Variants in SMIM36 observed in about 807,000 individuals in gnomAD.
SMIM36 encodes the protein small integral membrane protein 36.
chr17:55,520,529 G>A, the SMIM36 span, among the ~76,000 whole-genome samples: 2 of 152,148 alleles, frequency 1.3e-5, no homozygotes, highest in African/African-American at 4.8e-5. Flanking sequence ...CAGTGATAAA[G>A]CAACAGTTAG....
chr17:55,486,333 C>T (rs544702654), intron 1 of SMIM36, among the ~76,000 whole-genome samples: 8 of 152,174 alleles, frequency 5.3e-5, no homozygotes, highest in Non-Finnish European at 5.9e-5. Context: ...TATGGCTCCC[C>T]GCCCAGTAAG....
At chr17:55,507,728 TAAA>T (rs78805605) in intron 1 of SMIM36, among the ~76,000 whole-genome samples, 1 of 109,508 alleles carries the variant, frequency 9.1e-6, no homozygotes, top group East Asian at 2.5e-4. Context: ...TAAAGTATAA[TAAA>T]AAAAAAAAAA....
chr17:55,512,841 G>A (rs1403310889), upstream of SMIM36, among the ~76,000 whole-genome samples: 2 of 152,176 alleles, frequency 1.3e-5, no homozygotes, highest in Non-Finnish European at 2.9e-5. Flanking sequence ...CTAGTTAAAA[G>A]CTGAAGTTCC....
At chr17:55,452,126 G>GA (rs35861811) in intron 4 of SMIM36, among the ~76,000 whole-genome samples, 95,878 of 135,782 alleles carry the variant, frequency 0.71, 34,699 homozygotes, top group Non-Finnish European at 0.75. Flanking sequence ...AAAAAAAAAG[G>GA]AAACACTTTT....
At chr17:55,513,708 G>C (rs1400096207), upstream of SMIM36, among the ~76,000 whole-genome samples, 1 of 152,186 alleles carries the variant, frequency 6.6e-6, no homozygotes, top group Non-Finnish European at 1.5e-5. Context: ...TTAAATAGAT[G>C]ACACAAGGAT....
At chr17:55,515,504 G>T (rs556974360), upstream of SMIM36, among the ~76,000 whole-genome samples, 509 of 152,294 alleles carry the variant, frequency 3.3e-3, 2 homozygotes, top group Non-Finnish European at 4.5e-3. Flanking sequence ...GATATAATTA[G>T]TTAAGGGTGA....
chr17:55,503,901 CA>C (rs1910037946), intron 1 of SMIM36, among the ~76,000 whole-genome samples: 1 of 130,176 alleles, frequency 7.7e-6, no homozygotes, highest in Admixed American at 7.6e-5. Context: ...AAATGGAAAA[CA>C]AAAAAAGGCA....
intron 3 of SMIM36, among the ~76,000 whole-genome samples, chr17:55,471,987 G>A (rs1909347433): frequency 6.6e-6 from 1 of 152,060 alleles, no homozygotes; most frequent in South Asian, 2.1e-4. Context: ...CATATTTATT[G>A]TCTGCCCCTC....
At chr17:55,489,901 T>A (rs1325696017) in intron 1 of SMIM36, among the ~76,000 whole-genome samples, 1 of 151,894 alleles carries the variant, frequency 6.6e-6, no homozygotes, top group Admixed American at 6.6e-5. Context: ...CCGGCTGGAG[T>A]GCAGTGGCAC....
intron 4 of SMIM36, among the ~76,000 whole-genome samples, chr17:55,460,738 G>A (rs148897444): frequency 0.021 from 3,117 of 151,200 alleles, 41 homozygotes; most frequent in Non-Finnish European, 0.03. Flanking sequence ...GGTGCCTGTA[G>A]TCCCAGCTAC....
intron 1 of SMIM36, among the ~76,000 whole-genome samples, chr17:55,486,467 G>A (rs908146922): frequency 3.3e-5 from 5 of 152,154 alleles, no homozygotes; most frequent in African/African-American, 1.2e-4. Flanking sequence ...GACCCCAAAT[G>A]TCTAGTAACT....
the SMIM36 span, among the ~76,000 whole-genome samples, chr17:55,518,549 A>G: frequency 6.6e-6 from 1 of 152,194 alleles, no homozygotes; most frequent in Non-Finnish European, 1.5e-5. Context: ...GGGTTTTCAT[A>G]GGGTGGGATG....
At chr17:55,467,228 A>C (rs968120446) in exon 4 of SMIM36, 2 of 152,238 alleles carry the variant, frequency 1.3e-5, no homozygotes, top group East Asian at 3.8e-4. Flanking sequence ...AAGCCACAGC[A>C]GGCAGAAAGA....
chr17:55,520,812 GTAA>G, the SMIM36 span, among the ~76,000 whole-genome samples: 14 of 152,328 alleles, frequency 9.2e-5, no homozygotes, highest in Admixed American at 2.6e-4. Flanking sequence ...TGCAATAGTA[GTAA>G]TAATAACTTT....
At chr17:55,501,839 T>A (rs1286818038) in intron 1 of SMIM36, among the ~76,000 whole-genome samples, 2 of 149,046 alleles carry the variant, frequency 1.3e-5, no homozygotes, top group Non-Finnish European at 3.0e-5. Flanking sequence ...CACTAGGGAG[T>A]GCCAGACGGT....
intron 1 of SMIM36, among the ~76,000 whole-genome samples, chr17:55,498,818 A>T: frequency 6.6e-6 from 1 of 151,666 alleles, no homozygotes; most frequent in East Asian, 1.9e-4. Context: ...ATCCAACATG[A>T]CAAAACCCCG....
At chr17:55,517,143 G>T in the SMIM36 span, among the ~76,000 whole-genome samples, 5 of 152,180 alleles carry the variant, frequency 3.3e-5, no homozygotes, top group African/African-American at 4.8e-5. Flanking sequence ...CAATGTCCAA[G>T]AAAGGTAGCT....
At chr17:55,513,799 G>A (rs1910222046), upstream of SMIM36, among the ~76,000 whole-genome samples, 1 of 152,156 alleles carries the variant, frequency 6.6e-6, no homozygotes, top group South Asian at 2.1e-4. Flanking sequence ...CAACAGATCT[G>A]CTCTATTGAG....
chr17:55,530,288 A>T, the SMIM36 span, among the ~76,000 whole-genome samples: 3 of 152,196 alleles, frequency 2.0e-5, no homozygotes, highest in Non-Finnish European at 2.9e-5. Context: ...CAGCCCAGGG[A>T]TGTGAAAACA....
Sources: allele counts gnomAD v4.1 joint callset (sites outside exome capture counted in the v4.1 genomes callset), GRCh38; gene constraint gnomAD v4.1.1; transcripts MANE v1.5; gene names NCBI Gene and HGNC (gene_info 2026-07-23, HGNC 2026-07-21).